Variants in RAD52 observed in about 807,000 individuals in gnomAD.
RAD52 encodes RAD52 DNA repair protein, also known as DNA repair protein RAD52 homolog.
Under a neutral mutation model 55.5 loss-of-function variants are expected in RAD52, and 47 were observed. The observed-to-expected ratio is 0.85, with a 90% CI of 0.67 to 1.08. The LOEUF is 1.08. RAD52 is among the 50% of genes least tolerant of loss of function. RAD52 has a pLI of 0.00. For synonymous variants in RAD52, 184 were observed against 198.9 expected (o/e 0.92, Z 0.63); for missense variants, 468 against 522.8 (o/e 0.90, Z 1.02).
At chr12:969,210 G>A (rs1254457435) in intron 1 of RAD52, among the ~76,000 whole-genome samples, 2 of 151,954 alleles carry the variant, frequency 1.3e-5, no homozygotes, top group African/African-American at 4.8e-5. Context: ...GCAGATTTTG[G>A]TTTTGAAAGG....
chr12:934,757 T>A (rs147309405), intron 1 of RAD52, among the ~76,000 whole-genome samples: 3 of 152,200 alleles, frequency 2.0e-5, no homozygotes, highest in Admixed American at 6.5e-5. Context: ...ACAATTTTTG[T>A]CAGTCATACC....
intron 7 of RAD52, among the ~76,000 whole-genome samples, chr12:922,191 TAA>T (rs79763100): frequency 4.9e-5 from 4 of 81,694 alleles, no homozygotes; most frequent in Non-Finnish European, 6.7e-5. Flanking sequence ...TAGGTTGGCT[TAA>T]AAAAAAAAAA....
At chr12:984,314 T>C (rs1254470996) in intron 1 of RAD52, among the ~76,000 whole-genome samples, 1 of 151,336 alleles carries the variant, frequency 6.6e-6, no homozygotes, top group Admixed American at 6.6e-5. Flanking sequence ...TCCTGCCTCA[T>C]CCTCCCGAAT....
rs1053602812 is a variant in RAD52 at position 949,694 on chromosome 12, T to C, written c.-111A>G. The C allele has an allele frequency of 5.3e-5, 8 of 150,344 alleles. No individual in the cohort carries two copies. Among genetic ancestry groups the C allele is most frequent in the African/African-American group, 2.0e-4 (8 of 40,652 alleles). 9.3% of individuals were successfully genotyped at this position (150,344 alleles called of 1,614,324 possible). On this transcript the variant is annotated 5_prime_UTR_variant, in exon 1 of 12. Coordinates refer to ENST00000358495, the MANE Select transcript of RAD52 (RefSeq NM_134424.4). Reference sequence around the variant, plus strand: ...TAGATGGAGGCCGCGCAGAGGAGAATGGGAAGGGTGCGCGAGCGTCTCTGG... The same window carrying C: ...TAGATGGAGGCCGCGCAGAGGAGAACGGGAAGGGTGCGCGAGCGTCTCTGG...
rs71293134 is a variant in RAD52 at position 924,056 on chromosome 12, C to CAAA, written c.543+1391_543+1393dup. Among the ~76,000 whole-genome samples, 92 of 122,386 alleles carry CAAA rather than the reference C, an allele frequency of 7.5e-4. No individual in the cohort carries two copies. The East Asian group carries it at 0.015, about 20-fold the overall frequency. The allele number at this position is 122,386 out of a possible 152,430, so 80.3% of individuals were successfully genotyped here. On this transcript the variant is annotated intron_variant, in intron 7 of 11. Coordinates refer to ENST00000358495, the MANE Select transcript of RAD52 (RefSeq NM_134424.4). ...CCTGGGCGACAGAGTGAGACTATCT[C>CAAA]AAAAAAAAAAAAAGAAAAAGAAAAC...
intron 1 of RAD52, among the ~76,000 whole-genome samples, chr12:966,545 C>T (rs985904017): frequency 1.3e-4 from 19 of 151,998 alleles, no homozygotes; most frequent in African/African-American, 3.9e-4. Flanking sequence ...TTCTAATGCT[C>T]ATGGTTTTCT....
chr12:926,723 T>C (rs1262817369), intron 6 of RAD52: 49 of 1,388,490 alleles, frequency 3.5e-5, no homozygotes, highest in Non-Finnish European at 4.8e-5. Flanking sequence ...CAGCCTCTGG[T>C]ATTCCTGTAT....
chr12:943,640 C>T (rs550575167), intron 1 of RAD52, among the ~76,000 whole-genome samples: 15 of 152,158 alleles, frequency 9.9e-5, no homozygotes, highest in Non-Finnish European at 2.1e-4. Context: ...TGAGCCACCG[C>T]GCCTGGCCTA....
chr12:950,571 C>A (rs1175086330), upstream of RAD52, among the ~76,000 whole-genome samples: 103 of 131,938 alleles, frequency 7.8e-4, no homozygotes, highest in African/African-American at 8.7e-4. Flanking sequence ...GGCTCCGTCT[C>A]AAAAAAAAAA....
At chr12:936,163 A>G (rs981821128) in intron 1 of RAD52, among the ~76,000 whole-genome samples, 4 of 151,230 alleles carry the variant, frequency 2.6e-5, no homozygotes, top group African/African-American at 9.7e-5. Context: ...ACTTAGCCAG[A>G]TGCAGTGGCG....
At chr12:989,336 T>A (rs553321219) in intron 1 of RAD52, among the ~76,000 whole-genome samples, 1 of 152,300 alleles carries the variant, frequency 6.6e-6, no homozygotes, top group South Asian at 2.1e-4. Flanking sequence ...CAGACCACAC[T>A]TACTTTTTGC....
chr12:978,280 C>T (rs1474780355), intron 1 of RAD52, among the ~76,000 whole-genome samples: 1 of 151,868 alleles, frequency 6.6e-6, no homozygotes. Context: ...GTCTCGAACT[C>T]CTGACCTCGT....
At chr12:928,887 A>G (rs1393134961) in intron 5 of RAD52, among the ~76,000 whole-genome samples, 4 of 152,116 alleles carry the variant, frequency 2.6e-5, no homozygotes, top group African/African-American at 9.7e-5. Flanking sequence ...AAGGCTACCG[A>G]TAAAACTTTT....
intron 7 of RAD52, among the ~76,000 whole-genome samples, chr12:921,877 G>A (rs896327680): frequency 1.3e-5 from 2 of 151,830 alleles, no homozygotes; most frequent in South Asian, 2.1e-4. Flanking sequence ...AGGCCAAGGC[G>A]GGCGGATCAC....
intron 8 of RAD52, 60 bp downstream of exon 8, chr12:916,579 G>T: frequency 6.3e-6 from 10 of 1,596,966 alleles, no homozygotes; most frequent in Non-Finnish European, 8.5e-6. Flanking sequence ...GGCCTGAGTG[G>T]AGGCAGCCCC....
chr12:926,929 A>C, intron 6 of RAD52: 5 of 1,537,420 alleles, frequency 3.3e-6, no homozygotes, highest in Non-Finnish European at 4.4e-6. Flanking sequence ...TCTACCACTT[A>C]CTCCCAGCAA....
At position 913,950 on chromosome 12, in the gene RAD52, TGTGGTTTCTG is replaced by T. The variant is rs1283880009; in HGVS notation, c.1129_1138del (p.Gln377LysfsTer31). The T allele has an allele frequency of 1.9e-6, 3 of 1,614,086 alleles. No homozygotes were observed. The African/African-American group carries it at 4.0e-5, about 22-fold the overall frequency. Reference sequence around the variant, plus strand: ...GAGGTCCCAAGATCCAGATTTTGCTTGTGGTTTCTGGTGGCAAACGCTGTGTGGAGTCCTG... The same window carrying T: ...GAGGTCCCAAGATCCAGATTTTGCTTGTGGCAAACGCTGTGTGGAGTCCTG... On this transcript the variant is annotated frameshift_variant, in exon 11 of 12. Transcript: ENST00000358495. LOFTEE classifies it high-confidence loss of function.
At chr12:927,859 A>G (rs1957124493) in intron 5 of RAD52, among the ~76,000 whole-genome samples, 1 of 151,786 alleles carries the variant, frequency 6.6e-6, no homozygotes, top group Non-Finnish European at 1.5e-5. Context: ...GAGTGAGACT[A>G]CGTCTTGGAA....
At position 913,885 on chromosome 12, in the gene RAD52, C is replaced by G. The variant is rs376632891; in HGVS notation, c.1195+9G>C. The G allele has an allele frequency of 1.5e-5, 24 of 1,611,854 alleles. No individual in the cohort carries two copies. The highest frequency in any genetic ancestry group is 2.0e-5 in the Non-Finnish European group (24 of 1,178,034). ...CCTTAATTTTTGTGCCTAAACACCTCTCTGCTACCTGTTGTGCGTTGGTCA... is the reference window on the plus strand; with the variant it reads ...CCTTAATTTTTGTGCCTAAACACCTGTCTGCTACCTGTTGTGCGTTGGTCA... On this transcript the variant is annotated intron_variant, in intron 11 of 11. Coordinates refer to ENST00000358495, the MANE Select transcript of RAD52 (RefSeq NM_134424.4).
Sources: allele counts gnomAD v4.1 joint callset (sites outside exome capture counted in the v4.1 genomes callset), GRCh38; gene constraint gnomAD v4.1.1; transcripts MANE v1.5; gene names NCBI Gene and HGNC (gene_info 2026-07-23, HGNC 2026-07-21).